CD247: variants seen among roughly 807,000 people sequenced by gnomAD.
CD247 encodes CD247 molecule.
In CD247, 13 loss-of-function variants were observed where a neutral mutation model predicts 30.0. The ratio of observed to expected loss-of-function variants is 0.43; its 90% confidence interval spans 0.28 to 0.69. The LOEUF is 0.69. CD247 is among the 30% of genes least tolerant of loss of function. CD247 has a pLI of 0.16. For synonymous variants in CD247, 72 were observed against 80.0 expected, an observed-to-expected ratio of 0.90 and a Z score of 0.53; for missense variants, 193 against 212.6, an observed-to-expected ratio of 0.91 and a Z score of 0.57.
intron 4 of CD247, among the ~76,000 whole-genome samples, chr1:167,438,244 C>A (rs542496547): frequency 4.6e-4 from 70 of 152,344 alleles, no homozygotes; most frequent in Admixed American, 1.8e-3. Context: ...GACCTCTTCA[C>A]CAGGTCTGTC....
At chr1:167,492,697 C>T (rs1354730048) in intron 1 of CD247, among the ~76,000 whole-genome samples, 1 of 152,142 alleles carries the variant, frequency 6.6e-6, no homozygotes, top group Non-Finnish European at 1.5e-5. Context: ...TGACAGTTCA[C>T]CCCTAGAAGG....
rs985837711 is a variant in CD247 at position 167,494,557 on chromosome 1, G to T, written c.58+23851C>A. On this transcript the variant is annotated intron_variant, in intron 1 of 7. Coordinates refer to ENST00000362089, the MANE Select transcript of CD247 (RefSeq NM_198053.3). This position sits in a 1 kb window ranked among gnomAD's most constrained non-coding sequence, Gnocchi z 7.3. ...CTGTGAGGGTCAGATGAGAAAATGG[G>T]TGGGGAGGTAATAATTAGTGAACAG... is the stretch of plus-strand genomic sequence containing the variant. Among the ~76,000 whole-genome samples, 1 of 152,148 alleles carries T rather than the reference G, an allele frequency of 6.6e-6. No homozygotes were observed. The highest frequency in any genetic ancestry group is 2.4e-5 in the African/African-American group (1 of 41,418).
At chr1:167,502,256 G>A (rs1654945688) in intron 1 of CD247, among the ~76,000 whole-genome samples, 1 of 152,344 alleles carries the variant, frequency 6.6e-6, no homozygotes, top group Non-Finnish European at 1.5e-5. Flanking sequence ...CCACGGTGTG[G>A]TGCACGGCCA....
intron 1 of CD247, among the ~76,000 whole-genome samples, chr1:167,496,893 C>G (rs1346112484): frequency 1.3e-5 from 2 of 152,146 alleles, no homozygotes; most frequent in Non-Finnish European, 2.9e-5. Flanking sequence ...ACTTAGGAAT[C>G]TTTACGGGGA....
chr1:167,439,963 C>G (rs990208718), intron 2 of CD247: 3 of 165,268 alleles, frequency 1.8e-5, no homozygotes, highest in African/African-American at 7.2e-5. Context: ...CTTCATGCCG[C>G]TTCAGGCGGG....
chr1:167,430,666 G>A lies in CD247; in HGVS notation c.*1015C>T. ...GCATTTTCACTGAAGCATTTATTAT[G>A]CAAAATAGGAAGGCTTTAGCATGCC... is the stretch of plus-strand genomic sequence containing the variant. On this transcript the variant is annotated 3_prime_UTR_variant, in exon 8 of 8. Transcript: ENST00000362089. 1 of 398,644 alleles carries A rather than the reference G, an allele frequency of 2.5e-6. No individual in the cohort carries two copies. The highest frequency in any genetic ancestry group is 4.4e-6 in the Non-Finnish European group (1 of 226,074). 24.7% of individuals were successfully genotyped at this position (398,644 alleles called of 1,614,324 possible).
intron 1 of CD247, among the ~76,000 whole-genome samples, chr1:167,444,393 C>T (rs1360248280): frequency 1.3e-5 from 2 of 152,188 alleles, no homozygotes; most frequent in Non-Finnish European, 2.9e-5. Context: ...AATTCCATCC[C>T]AAAGGGACCA....
intron 1 of CD247, among the ~76,000 whole-genome samples, chr1:167,476,296 G>T (rs1440477514): frequency 6.6e-6 from 1 of 152,060 alleles, no homozygotes; most frequent in Non-Finnish European, 1.5e-5. Context: ...CCAGGCCCAG[G>T]GATGGCCCAC....
intron 1 of CD247, among the ~76,000 whole-genome samples, chr1:167,469,423 C>T (rs1653408510): frequency 6.6e-6 from 1 of 152,222 alleles, no homozygotes. Context: ...AGGGAATTCA[C>T]TGGAGAAGGA....
chr1:167,502,294 C>T (rs376120072), intron 1 of CD247, among the ~76,000 whole-genome samples: 19 of 152,306 alleles, frequency 1.2e-4, no homozygotes, highest in African/African-American at 4.1e-4. Flanking sequence ...TAAATTGAGC[C>T]ACCCTAGAAA....
At chr1:167,452,546 G>A (rs1652404888) in intron 1 of CD247, among the ~76,000 whole-genome samples, 1 of 152,184 alleles carries the variant, frequency 6.6e-6, no homozygotes, top group Non-Finnish European at 1.5e-5. Context: ...TGGTCATGTG[G>A]TGGCCATCCT....
chr1:167,470,045 C>T (rs1653436978), intron 1 of CD247, among the ~76,000 whole-genome samples: 1 of 152,132 alleles, frequency 6.6e-6, no homozygotes, highest in African/African-American at 2.4e-5. Context: ...TCCTAAGTAG[C>T]TGGGATTACA....
At position 167,494,860 on chromosome 1, in the gene CD247, A is replaced by T. The variant is rs535627730; in HGVS notation, c.58+23548T>A. The stretch of plus-strand genomic sequence containing the variant: ...TTCAGAGCTGGAAAGAGGGTTAGAG[A>T]CCTATTCCAGGACTTTACTCTACAG... On this transcript the variant is annotated intron_variant, in intron 1 of 7. Transcript: ENST00000362089. This position sits in a 1 kb window ranked among gnomAD's most constrained non-coding sequence, Gnocchi z 7.3. Among the ~76,000 whole-genome samples the T allele has an allele frequency of 6.6e-6, 1 of 152,258 alleles. No individual in the cohort carries two copies. Among genetic ancestry groups the T allele is most frequent in the South Asian group, 2.1e-4 (1 of 4,824 alleles).
In CD247 at chr1:167,482,846, G is replaced by C. The variant is rs34303820; in HGVS notation, c.58+35562C>G. On this transcript the variant is annotated intron_variant, in intron 1 of 7. Transcript: ENST00000362089. ...CACAGCCTGTTAGGACAGAGCCCAG[G>C]TCTATTCAAGGATGGGTGAAAAACT... Among the ~76,000 whole-genome samples, 5 of 152,306 alleles carry C rather than the reference G, an allele frequency of 3.3e-5. No individual in the cohort carries two copies. In the East Asian group the frequency reaches 9.7e-4, roughly 29 times the overall value.
chr1:167,437,707 G>A (rs896219958), intron 4 of CD247, among the ~76,000 whole-genome samples: 7 of 152,174 alleles, frequency 4.6e-5, no homozygotes, highest in African/African-American at 1.7e-4. Context: ...GTTTACCAGA[G>A]GCTGGGGAAT....
chr1:167,502,496 C>T (rs1654955025), intron 1 of CD247, among the ~76,000 whole-genome samples: 2 of 152,158 alleles, frequency 1.3e-5, no homozygotes, highest in African/African-American at 2.4e-5. Flanking sequence ...CTGCTAGAAG[C>T]TGACCCTGAA....
At position 167,432,875 on chromosome 1, in the gene CD247, G is replaced by A. The variant is rs56066856; in HGVS notation, c.429+149C>T. 5.4e-4 allele frequency: 415 copies of A among 763,938 alleles called. 2 individuals are homozygous for A. The highest frequency in any genetic ancestry group is 3.5e-4 in the Middle Eastern group (1 of 2,858). 47.3% of individuals were successfully genotyped at this position (763,938 alleles called of 1,614,324 possible). ...GCTCCAGGGACTTATTGGCAGTGGC[G>A]TTGCCACTGGCCTAAATGGGTGCCT... On this transcript the variant is annotated intron_variant, in intron 7 of 7. Coordinates refer to ENST00000362089, the MANE Select transcript of CD247 (RefSeq NM_198053.3).
intron 1 of CD247, among the ~76,000 whole-genome samples, chr1:167,460,896 A>G (rs1652978412): frequency 6.6e-6 from 1 of 152,168 alleles, no homozygotes; most frequent in East Asian, 1.9e-4. Context: ...CAAGTTTCCT[A>G]TTCAGGCCAT....
chr1:167,500,252 T>C (rs770306235), intron 1 of CD247, among the ~76,000 whole-genome samples: 3 of 152,220 alleles, frequency 2.0e-5, no homozygotes, highest in African/African-American at 7.2e-5. Context: ...CAGCTTTCCA[T>C]TCTCCATGTG....
Sources: gnomAD v4.1 joint callset for allele counts (sites outside exome capture counted in the v4.1 genomes callset) on GRCh38, gnomAD v4.1.1 for gene constraint, Gnocchi (gnomAD v3.1) non-coding constraint, MANE v1.5 for transcripts, NCBI Gene and HGNC (gene_info 2026-07-23, HGNC 2026-07-21) for gene names.